ZBTB20: variants seen among roughly 807,000 people sequenced by gnomAD.
The protein encoded by ZBTB20 is zinc finger and BTB domain-containing protein 20.
In ZBTB20, 9 loss-of-function variants were observed where a neutral mutation model predicts 56.9. The ratio of observed to expected loss-of-function variants is 0.16; its 90% CI spans 0.10 to 0.28. The LOEUF is 0.28. ZBTB20 is among the 10% of genes least tolerant of loss of function. The pLI is 1.00. For synonymous variants in ZBTB20, 417 were observed against 420.7 expected, an observed-to-expected ratio of 0.99 and a Z score of 0.11; for missense variants, 655 against 1,003.0, an observed-to-expected ratio of 0.65 and a Z score of 4.69.
At chr3:114,367,781 A>AG (rs869055077) in intron 10 of ZBTB20, among the ~76,000 whole-genome samples, 2 of 50,852 alleles carry the variant, frequency 3.9e-5, no homozygotes, top group Non-Finnish European at 1.0e-4. Flanking sequence ...CATTTTTAGG[A>AG]AAAAAAAACA....
At chr3:114,561,996 T>C (rs1193581403) in intron 6 of ZBTB20, among the ~76,000 whole-genome samples, 3 of 152,178 alleles carry the variant, frequency 2.0e-5, no homozygotes, top group Non-Finnish European at 4.4e-5. Flanking sequence ...CACTTGATAC[T>C]TCACTTTGCA....
chr3:114,441,529 G>A (rs570988285), intron 7 of ZBTB20, among the ~76,000 whole-genome samples: 15 of 152,170 alleles, frequency 9.9e-5, no homozygotes, highest in African/African-American at 2.4e-4. Context: ...CCCTGTACCC[G>A]TCAGAACCTT....
At chr3:114,672,440 T>C (rs2061404887) in intron 6 of ZBTB20, among the ~76,000 whole-genome samples, 1 of 152,142 alleles carries the variant, frequency 6.6e-6, no homozygotes, top group Non-Finnish European at 1.5e-5. Context: ...GGATTAGAGT[T>C]AGTTGACTGA....
At chr3:114,777,335 T>C (rs2069679937) in intron 5 of ZBTB20, among the ~76,000 whole-genome samples, 1 of 151,926 alleles carries the variant, frequency 6.6e-6, no homozygotes, top group Non-Finnish European at 1.5e-5. Flanking sequence ...AGAAATGCTG[T>C]CTCTACTAAA....
rs1280403517 is a variant in ZBTB20 at position 114,836,046 on chromosome 3, TA to T, written c.-416-34873del. ...CTTATAAGACTTACAGCAAAGCTGCTAAAACTTAAATTTTAAGGTGAGTGAG... is the reference window on the plus strand; with the variant it reads ...CTTATAAGACTTACAGCAAAGCTGCTAAACTTAAATTTTAAGGTGAGTGAG... On this transcript the variant is annotated intron_variant, in intron 4 of 11. Coordinates refer to ENST00000675478, the MANE Select transcript of ZBTB20 (RefSeq NM_001348800.3). Among the ~76,000 whole-genome samples the T allele has an allele frequency of 2.0e-5, 3 of 152,270 alleles. No individual in the cohort carries two copies. The East Asian group carries it at 5.8e-4, about 29-fold the overall frequency.
intron 2 of ZBTB20, among the ~76,000 whole-genome samples, chr3:115,016,924 T>A (rs1282060305): frequency 6.6e-6 from 1 of 151,622 alleles, no homozygotes; most frequent in Non-Finnish European, 1.5e-5. Flanking sequence ...ACAGCCAATA[T>A]CATACAGAAT....
At chr3:114,845,754 C>T (rs991355908) in intron 4 of ZBTB20, among the ~76,000 whole-genome samples, 7 of 152,154 alleles carry the variant, frequency 4.6e-5, no homozygotes, top group African/African-American at 1.4e-4. Flanking sequence ...TTACCAACAA[C>T]CAATGTCAAT....
intron 5 of ZBTB20, among the ~76,000 whole-genome samples, chr3:114,704,863 AT>A (rs2063617414): frequency 6.7e-6 from 1 of 149,978 alleles, no homozygotes; most frequent in Non-Finnish European, 1.5e-5. Flanking sequence ...GATGAAAACA[AT>A]TTTTTCAAAC....
At chr3:114,406,661 C>A (rs1209158870) in intron 7 of ZBTB20, among the ~76,000 whole-genome samples, 2 of 152,056 alleles carry the variant, frequency 1.3e-5, no homozygotes, top group Non-Finnish European at 2.9e-5. Flanking sequence ...GAATAAACAT[C>A]CTTCCTTCTA....
intron 7 of ZBTB20, among the ~76,000 whole-genome samples, chr3:114,474,195 G>C (rs888029122): frequency 6.6e-6 from 1 of 152,240 alleles, no homozygotes; most frequent in African/African-American, 2.4e-5. Flanking sequence ...TACAATTCAA[G>C]AGGAGGTTTG....
chr3:114,608,695 C>T (rs963159818), intron 6 of ZBTB20, among the ~76,000 whole-genome samples: 1 of 152,178 alleles, frequency 6.6e-6, no homozygotes, highest in Non-Finnish European at 1.5e-5. Flanking sequence ...AGCCCATTCC[C>T]ACAGAAGCAC....
chr3:114,864,405 G>C (rs890072137), intron 4 of ZBTB20, among the ~76,000 whole-genome samples: 7 of 151,636 alleles, frequency 4.6e-5, no homozygotes, highest in Non-Finnish European at 1.0e-4. Flanking sequence ...AAAAAAAATG[G>C]TTTCCAGATT....
chr3:114,745,348 A>T (rs138360855), intron 5 of ZBTB20, among the ~76,000 whole-genome samples: 40 of 152,110 alleles, frequency 2.6e-4, no homozygotes, highest in Non-Finnish European at 4.4e-4. Flanking sequence ...CATTCATTAG[A>T]TATGCTAAAT....
intron 3 of ZBTB20, among the ~76,000 whole-genome samples, chr3:114,955,317 G>A (rs2077209273): frequency 1.3e-5 from 2 of 152,160 alleles, no homozygotes; most frequent in South Asian, 4.1e-4. Flanking sequence ...GCACTAAGTG[G>A]TTGAGGATCA....
intron 6 of ZBTB20, among the ~76,000 whole-genome samples, chr3:114,682,521 CTG>C (rs2062042652): frequency 6.6e-6 from 1 of 152,178 alleles, no homozygotes; most frequent in Admixed American, 6.5e-5. Context: ...CTCTAACCTA[CTG>C]TGTTTTATCT....
chr3:115,065,813 T>C (rs1304011686), intron 2 of ZBTB20, among the ~76,000 whole-genome samples: 1 of 152,200 alleles, frequency 6.6e-6, no homozygotes, highest in Non-Finnish European at 1.5e-5. Context: ...ATACATTTGG[T>C]ATTTGACTTG....
intron 4 of ZBTB20, among the ~76,000 whole-genome samples, chr3:114,804,932 G>A (rs1413447855): frequency 6.6e-6 from 1 of 151,654 alleles, no homozygotes; most frequent in Non-Finnish European, 1.5e-5. Context: ...ACTTTTAAAT[G>A]GTCTTTTCTT....
intron 4 of ZBTB20, among the ~76,000 whole-genome samples, chr3:114,801,793 G>T (rs2071742329): frequency 7.0e-6 from 1 of 143,536 alleles, no homozygotes; most frequent in Non-Finnish European, 1.5e-5. Context: ...TGTACATCTT[G>T]TCACATGCAG....
chr3:114,986,922 C>T (rs746327977), intron 2 of ZBTB20, among the ~76,000 whole-genome samples: 1 of 151,978 alleles, frequency 6.6e-6, no homozygotes, highest in Non-Finnish European at 1.5e-5. Flanking sequence ...ATTATCAGCC[C>T]GTCTAATCAT....
Sources: gnomAD v4.1 joint callset for allele counts (sites outside exome capture counted in the v4.1 genomes callset) on GRCh38, gnomAD v4.1.1 for gene constraint, MANE v1.5 for transcripts, NCBI Gene and HGNC (gene_info 2026-07-23, HGNC 2026-07-21) for gene names.